The following CEP97 variants were observed in gnomAD, a reference collection of about 807,000 sequenced individuals.
The protein encoded by CEP97 is centrosomal protein 97.
A neutral mutation model predicts 73.1 loss-of-function variants in CEP97; 43 were observed. The ratio of observed to expected loss-of-function variants is 0.59; its 90% CI spans 0.46 to 0.76. CEP97 has a LOEUF of 0.76. Among genes scored for constraint, CEP97 ranks in the 30% least tolerant of loss-of-function variants. The probability of loss-of-function intolerance (pLI) is 0.00; values close to 1 mark genes in which losing one functional copy is unlikely to be tolerated. For missense variants in CEP97, 939 were observed against 1,014.0 expected, an observed-to-expected ratio of 0.93 and a Z score of 1.00; for synonymous variants, 337 against 370.0, an observed-to-expected ratio of 0.91 and a Z score of 1.02.
At chr3:101,755,625 A>G (rs1214058523) in intron 7 of CEP97, 31 bp downstream of exon 7, 1 of 1,606,124 alleles carries the variant, frequency 6.2e-7, no homozygotes, top group Admixed American at 1.7e-5. Flanking sequence ...CAACTGATGA[A>G]TTCACAAGTT....
intron 2 of CEP97, 78 bp from the exon 3 acceptor site, chr3:101,727,305 A>T (rs1245207477): frequency 8.0e-7 from 1 of 1,247,446 alleles, no homozygotes; most frequent in African/African-American, 1.5e-5. Flanking sequence ...CTGTCTAAAT[A>T]AACCTTTTAA....
chr3:101,726,393 A>G (rs1337767111), intron 1 of CEP97, among the ~76,000 whole-genome samples: 3 of 152,238 alleles, frequency 2.0e-5, no homozygotes, highest in Non-Finnish European at 4.4e-5. Context: ...TTTTAATTTG[A>G]TATTTCTGAA....
rs750019569 is a variant in CEP97 at position 101,758,418 on chromosome 3, A to G, written c.1812A>G (p.Ile604Met). Residue 604 changes from isoleucine (I) to methionine (M), a missense_variant, in exon 9 of 11, where the codon ATA (isoleucine) becomes ATG (methionine). Transcript: ENST00000341893. The part of the protein sequence containing the change: ...QEHIVCLTDE[I>M]RRLRKERDEE... ...ACATTGTCTGCTTAACTGATGAAATAAGGAGGTGGGTCAGAAGTCCTTTTG... is the reference window on the plus strand; with the variant it reads ...ACATTGTCTGCTTAACTGATGAAATGAGGAGGTGGGTCAGAAGTCCTTTTG... 2 of 1,613,806 alleles carry G rather than the reference A, an allele frequency of 1.2e-6. No individual in the cohort carries two copies. Among genetic ancestry groups the G allele is most frequent in the East Asian group, 2.2e-5 (1 of 44,898 alleles).
At chr3:101,753,827 A>T (rs1938921692) in intron 6 of CEP97, among the ~76,000 whole-genome samples, 2 of 152,148 alleles carry the variant, frequency 1.3e-5, no homozygotes, top group Admixed American at 1.3e-4. Context: ...TTGACTAGGA[A>T]AGGGAACTCC....
Position 101,757,212 on chromosome 3 carries a change from A to C in CEP97, c.1027+16A>C, listed in dbSNP as rs746902638. On this transcript the variant is annotated intron_variant, in intron 8 of 10. Coordinates refer to ENST00000341893, the MANE Select transcript of CEP97 (RefSeq NM_024548.4). Reference sequence around the variant, plus strand: ...CAGGAAAGTGGTAAGAAATGAATTTATCTCTGATCCCTTTTCTCCAAGTTG... The same window carrying C: ...CAGGAAAGTGGTAAGAAATGAATTTCTCTCTGATCCCTTTTCTCCAAGTTG... 4.4e-6 allele frequency: 7 copies of C among 1,593,268 alleles called. No homozygotes were observed. The highest frequency in any genetic ancestry group is 6.0e-6 in the Non-Finnish European group (7 of 1,173,424).
chr3:101,726,460 A>G (rs1459849787), intron 1 of CEP97, 134 bp from the exon 2 acceptor site: 1 of 493,054 alleles, frequency 2.0e-6, no homozygotes, highest in East Asian at 3.5e-5. Flanking sequence ...TAATTTTACA[A>G]TGTTGATATT....
chr3:101,758,551 G>A, intron 9 of CEP97, 128 bp downstream of exon 9: 2 of 1,162,308 alleles, frequency 1.7e-6, no homozygotes, highest in East Asian at 2.5e-5. Flanking sequence ...TGTTGCTTTG[G>A]TTGTCTCCTA....
intron 6 of CEP97, among the ~76,000 whole-genome samples, chr3:101,743,255 G>A (rs536242222): frequency 6.6e-6 from 1 of 151,772 alleles, no homozygotes; most frequent in African/African-American, 2.4e-5. Context: ...AATACAACCA[G>A]CATCTAGAGA....
intron 6 of CEP97, among the ~76,000 whole-genome samples, chr3:101,741,280 A>G (rs1392352570): frequency 6.6e-6 from 1 of 152,262 alleles, no homozygotes; most frequent in Non-Finnish European, 1.5e-5. Flanking sequence ...GATGGATTAA[A>G]GACTTAAATG....
At chr3:101,750,937 T>C (rs1938792312) in intron 6 of CEP97, among the ~76,000 whole-genome samples, 1 of 152,364 alleles carries the variant, frequency 6.6e-6, no homozygotes. Context: ...ATGTTAGTTA[T>C]TTCTTGCCTT....
chr3:101,751,497 A>T (rs530581639), intron 6 of CEP97, among the ~76,000 whole-genome samples: 23 of 152,278 alleles, frequency 1.5e-4, no homozygotes, highest in African/African-American at 4.3e-4. Flanking sequence ...TGATCTGTCT[A>T]ATGTTGACAG....
intron 6 of CEP97, among the ~76,000 whole-genome samples, chr3:101,743,584 T>A (rs951702415): frequency 3.3e-5 from 5 of 152,042 alleles, no homozygotes; most frequent in Non-Finnish European, 5.9e-5. Flanking sequence ...TTAGTTCAGA[T>A]AAGGTTTTGC....
At position 101,757,990 on chromosome 3, in the gene CEP97, A is replaced by C. The variant is rs765456275; in HGVS notation, c.1384A>C (p.Asn462His). 1.9e-6 allele frequency: 3 copies of C among 1,614,214 alleles called. No homozygotes were observed. In the Admixed American group the frequency reaches 5.0e-5, roughly 27 times the overall value. Residue 462 changes from asparagine (N) to histidine (H), a missense_variant, in exon 9 of 11, where the codon AAT becomes CAT. Asn to His is a moderately conservative substitution (Grantham distance 68). Coordinates refer to ENST00000341893, the MANE Select transcript of CEP97 (RefSeq NM_024548.4). ...EEQPLWAANENSVQMMRSEIN... is the reference protein window; with the variant it reads ...EEQPLWAANEHSVQMMRSEIN... ...ACAGCCTTTATGGGCTGCAAATGAG[A>C]ATTCTGTTCAAATGATGAGAAGTGA...
At chr3:101,730,664 A>G (rs1272471882) in intron 4 of CEP97, among the ~76,000 whole-genome samples, 20 of 152,098 alleles carry the variant, frequency 1.3e-4, no homozygotes, top group Admixed American at 1.3e-3. Context: ...TTAGAAAAAA[A>G]CATGTAGCAT....
intron 9 of CEP97, among the ~76,000 whole-genome samples, chr3:101,760,467 G>T (rs1317249699): frequency 2.0e-5 from 3 of 152,082 alleles, no homozygotes; most frequent in African/African-American, 7.2e-5. Flanking sequence ...TTTTTCCTAG[G>T]TGATATTGTA....
chr3:101,740,136 A>G (rs971703843), intron 6 of CEP97, among the ~76,000 whole-genome samples: 1 of 152,152 alleles, frequency 6.6e-6, no homozygotes, highest in Non-Finnish European at 1.5e-5. Flanking sequence ...GCAATCAGGC[A>G]AGAGAAAGAA....
At chr3:101,761,834 A>G (rs763602985) in intron 9 of CEP97, among the ~76,000 whole-genome samples, 8 of 152,200 alleles carry the variant, frequency 5.3e-5, no homozygotes, top group Non-Finnish European at 7.3e-5. Flanking sequence ...AGTTTGGGTG[A>G]TAATGGATCA....
In CEP97 at chr3:101,757,009, A is replaced by G. The variant is rs564831319; in HGVS notation, c.894-54A>G. On this transcript the variant is annotated intron_variant, in intron 7 of 10. Transcript: ENST00000341893. ...TGACATTGTTACCTAGGAAGCAGAAAATCTTTCTTTTTTTGGTTTGTGTTA... is the reference window on the plus strand; with the variant it reads ...TGACATTGTTACCTAGGAAGCAGAAGATCTTTCTTTTTTTGGTTTGTGTTA... 32 of 1,489,660 alleles carry G rather than the reference A, an allele frequency of 2.1e-5. No homozygotes were observed. In the African/African-American group the frequency reaches 4.3e-4, roughly 20 times the overall value. The allele number at this position is 1,489,660 out of a possible 1,614,324, so 92.3% of individuals were successfully genotyped here. A position where few individuals can be genotyped will look rare whatever the true frequency, so the allele number is the denominator to read the frequency against.
At chr3:101,741,874 T>C (rs1938466545) in intron 6 of CEP97, among the ~76,000 whole-genome samples, 2 of 152,042 alleles carry the variant, frequency 1.3e-5, no homozygotes, top group East Asian at 1.9e-4. Flanking sequence ...ACCCCATCTC[T>C]ACTAAAAATA....
Sources: allele counts gnomAD v4.1 joint callset (sites outside exome capture counted in the v4.1 genomes callset), GRCh38; gene constraint gnomAD v4.1.1; transcripts MANE v1.5; gene names NCBI Gene and HGNC (gene_info 2026-07-23, HGNC 2026-07-21).